BRINP3: variants seen among roughly 807,000 people sequenced by gnomAD.
BRINP3 encodes BMP/retinoic acid inducible neural specific 3, also known as BMP/retinoic acid-inducible neural-specific protein 3.
Under a neutral mutation model 71.0 loss-of-function variants are expected in BRINP3, and 19 were observed. The observed-to-expected ratio is 0.27, with a 90% confidence interval of 0.19 to 0.39. The LOEUF is 0.39. BRINP3 is among the 10% of genes least tolerant of loss of function. The pLI, the probability that BRINP3 is intolerant of heterozygous loss-of-function variation, is 1.00. For synonymous variants in BRINP3, 380 were observed against 337.7 expected, an observed-to-expected ratio of 1.13 and a Z score of -1.37; for missense variants, 959 against 940.8, an observed-to-expected ratio of 1.02 and a Z score of -0.25.
intron 6 of BRINP3, among the ~76,000 whole-genome samples, chr1:190,222,873 G>A (rs537654437): frequency 1.6e-4 from 24 of 151,616 alleles, no homozygotes; most frequent in African/African-American, 3.1e-4. Flanking sequence ...ACAAAGAATC[G>A]TTAGAGACTA....
chr1:190,406,732 T>C (rs1161725956), intron 2 of BRINP3, among the ~76,000 whole-genome samples: 3 of 152,190 alleles, frequency 2.0e-5, no homozygotes, highest in African/African-American at 4.8e-5. Context: ...AAGTGTTACA[T>C]GTAAACTCTA....
intron 6 of BRINP3, among the ~76,000 whole-genome samples, chr1:190,177,150 CTTTTTTTTTTTTTT>C (rs1030190199): frequency 1.6e-5 from 1 of 63,212 alleles, no homozygotes; most frequent in Non-Finnish European, 2.9e-5. Flanking sequence ...GCACCCACTT[CTTTTTTTTTTTTTT>C]TTTTTTTTTT....
intron 2 of BRINP3, among the ~76,000 whole-genome samples, chr1:190,368,501 G>A (rs1031530227): frequency 6.6e-6 from 1 of 152,008 alleles, no homozygotes; most frequent in African/African-American, 2.4e-5. Context: ...TGTAACAAAA[G>A]CCCATCAAGA....
At chr1:190,375,810 GA>G (rs1226765966) in intron 2 of BRINP3, among the ~76,000 whole-genome samples, 1 of 151,820 alleles carries the variant, frequency 6.6e-6, no homozygotes, top group South Asian at 2.1e-4. Context: ...TTGACATCTG[GA>G]AACATTACTG....
At chr1:190,344,546 C>T (rs1014325637) in intron 2 of BRINP3, among the ~76,000 whole-genome samples, 1 of 151,826 alleles carries the variant, frequency 6.6e-6, no homozygotes, top group Non-Finnish European at 1.5e-5. Flanking sequence ...TGAATCATTA[C>T]TAAATATTAA....
rs182993743 is a variant in BRINP3 at position 190,370,438 on chromosome 1, C to T, written c.236+84217G>A. On this transcript the variant is annotated intron_variant, in intron 2 of 7. Transcript: ENST00000367462. ...GTCCTGGAGATGATATAATTCTCAA[C>T]AAACCATTAAGTAGAGTAAGCAGAA... Among the ~76,000 whole-genome samples the T allele has an allele frequency of 3.4e-4, 51 of 152,166 alleles. 1 individual carries two copies. The East Asian group carries it at 6.8e-3, about 20-fold the overall frequency.
intron 5 of BRINP3, among the ~76,000 whole-genome samples, chr1:190,228,760 C>T (rs1657649594): frequency 6.7e-6 from 1 of 148,474 alleles, no homozygotes; most frequent in African/African-American, 2.5e-5. Context: ...ACAAACAACT[C>T]GGAGTGGTTC....
chr1:190,322,732 T>C (rs554811260), intron 2 of BRINP3, among the ~76,000 whole-genome samples: 29 of 152,126 alleles, frequency 1.9e-4, no homozygotes, highest in African/African-American at 6.7e-4. Flanking sequence ...ATGTCTACCA[T>C]CCAACCAAAT....
At chr1:190,114,551 T>TGTGTGTGTG (rs1652969409) in intron 7 of BRINP3, among the ~76,000 whole-genome samples, 1 of 151,924 alleles carries the variant, frequency 6.6e-6, no homozygotes, top group Non-Finnish European at 1.5e-5. Context: ...TGTGTGTGTG[T>TGTGTGTGTG]GTGTGTGTGT....
intron 3 of BRINP3, among the ~76,000 whole-genome samples, chr1:190,279,919 G>C (rs1157213653): frequency 6.6e-6 from 1 of 151,852 alleles, no homozygotes; most frequent in Non-Finnish European, 1.5e-5. Flanking sequence ...CTAAGAAAGT[G>C]TAGTTTTACT....
chr1:190,155,178 T>G (rs1281844646), intron 7 of BRINP3, among the ~76,000 whole-genome samples: 1 of 152,146 alleles, frequency 6.6e-6, no homozygotes, highest in Non-Finnish European at 1.5e-5. Flanking sequence ...ACATAGCTCT[T>G]ATATAATGAA....
intron 2 of BRINP3, among the ~76,000 whole-genome samples, chr1:190,304,727 A>C (rs1664975621): frequency 6.6e-6 from 1 of 152,108 alleles, no homozygotes; most frequent in South Asian, 2.1e-4. Flanking sequence ...ATAAAACCTC[A>C]AAAGCACAGA....
At chr1:190,217,174 T>C (rs2102671850) in intron 6 of BRINP3, 1 of 152,082 alleles carries the variant, frequency 6.6e-6, no homozygotes, top group East Asian at 1.9e-4. Context: ...ATTCCAAAGC[T>C]TTCCCAACCA....
intron 6 of BRINP3, among the ~76,000 whole-genome samples, chr1:190,221,602 C>T (rs1329605471): frequency 6.6e-6 from 1 of 151,964 alleles, no homozygotes; most frequent in Non-Finnish European, 1.5e-5. Flanking sequence ...TCTCACTTCC[C>T]CAATTATAAC....
chr1:190,263,647 T>C (rs1661391872), intron 4 of BRINP3, among the ~76,000 whole-genome samples: 1 of 149,236 alleles, frequency 6.7e-6, no homozygotes, highest in Non-Finnish European at 1.5e-5. Flanking sequence ...TGGAGTGCAG[T>C]GGTGTGATCT....
At chr1:190,267,311 C>T (rs1394795768) in intron 3 of BRINP3, among the ~76,000 whole-genome samples, 2 of 151,686 alleles carry the variant, frequency 1.3e-5, no homozygotes, top group Non-Finnish European at 2.9e-5. Flanking sequence ...TCACTGATGG[C>T]AATAAAAAAC....
At chr1:190,426,477 C>T (rs145446548) in intron 2 of BRINP3, among the ~76,000 whole-genome samples, 134 of 151,928 alleles carry the variant, frequency 8.8e-4, no homozygotes, top group Non-Finnish European at 1.6e-3. Flanking sequence ...TTGAGCGTCC[C>T]TAATCCAAAA....
intron 2 of BRINP3, among the ~76,000 whole-genome samples, chr1:190,437,772 A>T (rs1674560931): frequency 6.6e-6 from 1 of 151,312 alleles, no homozygotes; most frequent in African/African-American, 2.4e-5. Context: ...AAATACTGTT[A>T]AAAAAACTGT....
chr1:190,194,838 C>T (rs1176928440), intron 6 of BRINP3, among the ~76,000 whole-genome samples: 3 of 151,914 alleles, frequency 2.0e-5, no homozygotes, highest in Non-Finnish European at 4.4e-5. Context: ...TAGTAGCTAA[C>T]GTCTGAAGGC....
Sources: gnomAD v4.1 joint callset for allele counts (sites outside exome capture counted in the v4.1 genomes callset) on GRCh38, gnomAD v4.1.1 for gene constraint, MANE v1.5 for transcripts, NCBI Gene and HGNC (gene_info 2026-07-23, HGNC 2026-07-21) for gene names.